FOXP2: variants seen among roughly 807,000 people sequenced by gnomAD.
FOXP2 encodes the protein forkhead box P2.
A neutral mutation model predicts 115.8 loss-of-function variants in FOXP2; 12 were observed. The observed-to-expected ratio is 0.10, with a 90% confidence interval of 0.07 to 0.17. The LOEUF is 0.17. Among genes scored for constraint, FOXP2 ranks in the 10% least tolerant of loss-of-function variants. The probability of loss-of-function intolerance (pLI) is 1.00; values close to 1 mark genes in which losing one functional copy is unlikely to be tolerated. For synonymous variants in FOXP2, 328 were observed against 297.7 expected (o/e 1.10, Z -1.05); for missense variants, 629 against 843.5 (o/e 0.75, Z 3.15).
At chr7:114,158,053 A>AGAAT (rs369773075), upstream of FOXP2, among the ~76,000 whole-genome samples, 192 of 152,278 alleles carry the variant, frequency 1.3e-3, 2 homozygotes, top group African/African-American at 4.3e-3. Context: ...AGTCAGAATC[A>AGAAT]GAATATTCAA....
intron 1 of FOXP2, among the ~76,000 whole-genome samples, chr7:114,281,095 ATTTTTTTT>A (rs71157578): frequency 3.2e-5 from 3 of 92,858 alleles, no homozygotes; most frequent in Non-Finnish European, 6.1e-5. Context: ...TGCAATTTGA[ATTTTTTTT>A]TTTTTTTTTT....
Position 114,654,184 on chromosome 7 carries a change from C to A in FOXP2, c.1266+175C>A, listed in dbSNP as rs1480947751. On this transcript the variant is annotated intron_variant, in intron 10 of 16. Transcript: ENST00000350908. ...TATGTTTCTTTTAAAGTAATGCTATCTTTTACAAAATCTATCCAATCTACA... is the reference window on the plus strand; with the variant it reads ...TATGTTTCTTTTAAAGTAATGCTATATTTTACAAAATCTATCCAATCTACA... 3.5e-6 allele frequency: 5 copies of A among 1,431,412 alleles called. No homozygotes were observed. The Admixed American group carries it at 6.5e-5, about 19-fold the overall frequency. 88.7% of individuals were successfully genotyped at this position (1,431,412 alleles called of 1,614,324 possible).
At chr7:114,300,589 T>C (rs1796855222) in intron 2 of FOXP2, among the ~76,000 whole-genome samples, 1 of 152,056 alleles carries the variant, frequency 6.6e-6, no homozygotes, top group African/African-American at 2.4e-5. Context: ...CTCTGAGTAG[T>C]ACACTACTAT....
chr7:114,096,062 G>T (rs1282174431), intron 1 of FOXP2, among the ~76,000 whole-genome samples: 1 of 151,998 alleles, frequency 6.6e-6, no homozygotes, highest in African/African-American at 2.4e-5. Flanking sequence ...TCCCTACTTT[G>T]CTTTCCCAGT....
chr7:114,572,549 TC>T (rs1801360784), intron 3 of FOXP2, among the ~76,000 whole-genome samples: 1 of 151,862 alleles, frequency 6.6e-6, no homozygotes, highest in Non-Finnish European at 1.5e-5. Context: ...GCAATTATAT[TC>T]TTTAACTTAA....
At chr7:114,568,767 G>T (rs965848678) in intron 3 of FOXP2, among the ~76,000 whole-genome samples, 1 of 151,788 alleles carries the variant, frequency 6.6e-6, no homozygotes, top group African/African-American at 2.4e-5. Flanking sequence ...AGCATTAACT[G>T]TATGCTTTTA....
chr7:114,582,030 G>T (rs1016554689), intron 3 of FOXP2, among the ~76,000 whole-genome samples: 2 of 152,168 alleles, frequency 1.3e-5, no homozygotes, highest in Non-Finnish European at 2.9e-5. Context: ...GAAAATGATA[G>T]AATGGTGGCT....
intron 2 of FOXP2, among the ~76,000 whole-genome samples, chr7:114,521,881 A>G (rs1212844480): frequency 6.6e-6 from 1 of 152,158 alleles, no homozygotes; most frequent in Non-Finnish European, 1.5e-5. Flanking sequence ...TGGTTCCTGG[A>G]GGGAATGCTA....
At chr7:114,331,224 A>G (rs1187556632) in intron 2 of FOXP2, among the ~76,000 whole-genome samples, 2 of 152,202 alleles carry the variant, frequency 1.3e-5, no homozygotes, top group African/African-American at 2.4e-5. Flanking sequence ...TTGAATTACA[A>G]TTTAGTTTTA....
intron 2 of FOXP2, among the ~76,000 whole-genome samples, chr7:114,301,073 A>T (rs898775648): frequency 6.6e-5 from 10 of 152,056 alleles, no homozygotes; most frequent in African/African-American, 2.4e-4. Context: ...ATATGCTGAA[A>T]TTAGAATTTA....
intron 2 of FOXP2, among the ~76,000 whole-genome samples, chr7:114,350,618 T>A (rs1791462536): frequency 6.6e-6 from 1 of 152,224 alleles, no homozygotes; most frequent in South Asian, 2.1e-4. Context: ...TCAATAAATA[T>A]ATAGTTGCCT....
chr7:114,526,488 C>CAA (rs572768894), intron 2 of FOXP2, among the ~76,000 whole-genome samples: 3,900 of 137,726 alleles, frequency 0.028, 144 homozygotes, highest in African/African-American at 0.084. Flanking sequence ...AAAAAAAAAA[C>CAA]AAAAAAAAAA....
At chr7:114,136,849 C>T (rs1792054521) in intron 1 of FOXP2, among the ~76,000 whole-genome samples, 1 of 151,910 alleles carries the variant, frequency 6.6e-6, no homozygotes, top group South Asian at 2.1e-4. Context: ...AACATCAATA[C>T]TAATAAGCCA....
At chr7:114,313,059 A>T (rs2129180328) in intron 2 of FOXP2, among the ~76,000 whole-genome samples, 1 of 152,344 alleles carries the variant, frequency 6.6e-6, no homozygotes, top group East Asian at 1.9e-4. Flanking sequence ...GGGGAAATAC[A>T]GTGACTGAAC....
At chr7:114,286,136 C>T (rs921349179) in intron 1 of FOXP2, among the ~76,000 whole-genome samples, 8 of 151,900 alleles carry the variant, frequency 5.3e-5, no homozygotes, top group Non-Finnish European at 7.4e-5. Flanking sequence ...TCAGTTTTTG[C>T]TCTATACAGT....
chr7:114,100,405 T>G (rs1212110912), intron 1 of FOXP2, among the ~76,000 whole-genome samples: 1 of 152,196 alleles, frequency 6.6e-6, no homozygotes, highest in Non-Finnish European at 1.5e-5. Context: ...ATTAAAACTT[T>G]ATCTCAATTT....
intron 2 of FOXP2, among the ~76,000 whole-genome samples, chr7:114,448,087 G>A (rs926114206): frequency 6.6e-5 from 10 of 152,072 alleles, no homozygotes; most frequent in African/African-American, 2.2e-4. Flanking sequence ...CATATAGTAT[G>A]TTTTGAACTT....
At chr7:114,397,923 T>C (rs561194833) in intron 2 of FOXP2, among the ~76,000 whole-genome samples, 1 of 152,264 alleles carries the variant, frequency 6.6e-6, no homozygotes, top group East Asian at 1.9e-4. Context: ...GAGTTTGAAT[T>C]GAAATGATAT....
At chr7:114,487,417 G>A (rs949669134) in intron 2 of FOXP2, among the ~76,000 whole-genome samples, 2 of 152,130 alleles carry the variant, frequency 1.3e-5, no homozygotes, top group Non-Finnish European at 2.9e-5. Context: ...GGCCTGTGAA[G>A]GAGGGGCTGC....
Sources: allele counts gnomAD v4.1 joint callset (sites outside exome capture counted in the v4.1 genomes callset), GRCh38; gene constraint gnomAD v4.1.1; transcripts MANE v1.5; gene names NCBI Gene and HGNC (gene_info 2026-07-23, HGNC 2026-07-21).